Variants in REDIC1 observed in about 807,000 individuals in gnomAD.
The protein encoded by REDIC1 is HEI10 Interacting Protein 1.
At chr12:39,765,666 T>C in the REDIC1 span, among the ~76,000 whole-genome samples, 1 of 152,100 alleles carries the variant, frequency 6.6e-6, no homozygotes, top group African/African-American at 2.4e-5. Flanking sequence ...GCCTGCTCAG[T>C]CTACCTCCTC....
chr12:39,713,076 C>CAT, the REDIC1 span, among the ~76,000 whole-genome samples: 2 of 145,464 alleles, frequency 1.4e-5, no homozygotes, highest in Admixed American at 6.9e-5. Context: ...TATACACGTG[C>CAT]ATACGTGTAT....
At chr12:39,640,885 G>A in the REDIC1 span, 1 of 1,087,218 alleles carries the variant, frequency 9.2e-7, no homozygotes, top group Admixed American at 2.1e-5. Context: ...CTTCAATTAA[G>A]CTAAACTGGC....
chr12:39,636,933 T>A, the REDIC1 span, among the ~76,000 whole-genome samples: 3 of 151,962 alleles, frequency 2.0e-5, no homozygotes, highest in Non-Finnish European at 2.9e-5. Flanking sequence ...TTAATTTTTT[T>A]AAAAAAGAAA....
the REDIC1 span, among the ~76,000 whole-genome samples, chr12:39,731,907 T>C: frequency 1.3e-5 from 2 of 151,350 alleles, no homozygotes; most frequent in African/African-American, 4.9e-5. Context: ...AAAGAAATGA[T>C]AGCTTAGAGG....
At chr12:39,885,920 G>C in the REDIC1 span, among the ~76,000 whole-genome samples, 3 of 152,078 alleles carry the variant, frequency 2.0e-5, no homozygotes, top group African/African-American at 4.8e-5. Flanking sequence ...AAAAAGTCAG[G>C]TTTTGTGACC....
chr12:39,730,461 T>C, the REDIC1 span, among the ~76,000 whole-genome samples: 1 of 152,238 alleles, frequency 6.6e-6, no homozygotes, highest in African/African-American at 2.4e-5. Flanking sequence ...AAAATTCTTT[T>C]CTTTAAAATG....
the REDIC1 span, among the ~76,000 whole-genome samples, chr12:39,760,490 T>A: frequency 6.6e-6 from 1 of 152,142 alleles, no homozygotes; most frequent in East Asian, 1.9e-4. Context: ...CAGGCTCAGA[T>A]GTAAGTTTGG....
At chr12:39,879,306 G>GAGAAATGGGCCACC in the REDIC1 span, among the ~76,000 whole-genome samples, 1 of 152,320 alleles carries the variant, frequency 6.6e-6, no homozygotes, top group East Asian at 1.9e-4. Flanking sequence ...GTGGAGCTGT[G>GAGAAATGGGCCACC]AGAAATGGGC....
the REDIC1 span, among the ~76,000 whole-genome samples, chr12:39,783,438 A>G: frequency 6.6e-6 from 1 of 152,196 alleles, no homozygotes; most frequent in Non-Finnish European, 1.5e-5. Flanking sequence ...TCCCTGAGGA[A>G]TCACCACACT....
At chr12:39,627,310 C>T in the REDIC1 span, among the ~76,000 whole-genome samples, 2 of 152,166 alleles carry the variant, frequency 1.3e-5, no homozygotes, top group African/African-American at 4.8e-5. Context: ...AGCAGACGTA[C>T]TCTGGAGAAA....
At chr12:39,653,294 T>C in the REDIC1 span, among the ~76,000 whole-genome samples, 1 of 152,016 alleles carries the variant, frequency 6.6e-6, no homozygotes, top group South Asian at 2.1e-4. Context: ...GTAAATGGAA[T>C]TACTTTCCCA....
At chr12:39,897,043 T>G in the REDIC1 span, among the ~76,000 whole-genome samples, 1 of 152,182 alleles carries the variant, frequency 6.6e-6, no homozygotes, top group Non-Finnish European at 1.5e-5. Flanking sequence ...TAACCCTTAG[T>G]TCAATGCTTA....
At chr12:39,745,604 A>C in the REDIC1 span, among the ~76,000 whole-genome samples, 1 of 152,240 alleles carries the variant, frequency 6.6e-6, no homozygotes, top group Non-Finnish European at 1.5e-5. Flanking sequence ...AATAATTATA[A>C]AATGCAAATT....
chr12:39,869,297 T>C, the REDIC1 span, among the ~76,000 whole-genome samples: 17 of 152,186 alleles, frequency 1.1e-4, no homozygotes, highest in Admixed American at 2.6e-4. Context: ...AAAGGTCCAT[T>C]GGTCATTATC....
the REDIC1 span, among the ~76,000 whole-genome samples, chr12:39,743,133 T>G: frequency 6.6e-6 from 1 of 152,204 alleles, no homozygotes; most frequent in Admixed American, 6.5e-5. Flanking sequence ...CAGAGCATTC[T>G]GTTCCTTTTA....
At chr12:39,653,538 T>TCTTCTTCTTCTTCTTTTTCTTCTTC in the REDIC1 span, among the ~76,000 whole-genome samples, 1 of 66,616 alleles carries the variant, frequency 1.5e-5, no homozygotes, top group Non-Finnish European at 3.5e-5. Flanking sequence ...TTCTTCTTCT[T>TCTTCTTCTTCTTCTTTTTCTTCTTC]TTTCTTCTTC....
chr12:39,861,478 T>C, the REDIC1 span, among the ~76,000 whole-genome samples: 8 of 152,324 alleles, frequency 5.3e-5, no homozygotes, highest in East Asian at 1.3e-3. Flanking sequence ...ATGATAGTGA[T>C]TTACATATAC....
At chr12:39,862,289 G>A in the REDIC1 span, among the ~76,000 whole-genome samples, 1 of 152,168 alleles carries the variant, frequency 6.6e-6, no homozygotes, top group East Asian at 1.9e-4. Context: ...GGCCTGGTAT[G>A]CAACCAATAT....
the REDIC1 span, among the ~76,000 whole-genome samples, chr12:39,854,198 G>T: frequency 6.6e-6 from 1 of 151,956 alleles, no homozygotes; most frequent in East Asian, 1.9e-4. Flanking sequence ...TTAGGCAAAT[G>T]ATATAATCCG....
Sources: allele counts gnomAD v4.1 joint callset (sites outside exome capture counted in the v4.1 genomes callset), GRCh38; gene constraint gnomAD v4.1.1; transcripts MANE v1.5; gene names NCBI Gene and HGNC (gene_info 2026-07-23, HGNC 2026-07-21).